The following KIF1A variants were observed in gnomAD, a reference collection of about 807,000 sequenced individuals.
KIF1A encodes the protein kinesin family member 1A.
A neutral mutation model predicts 227.3 loss-of-function variants in KIF1A; 46 were observed. The ratio of observed to expected loss-of-function variants is 0.20; its 90% confidence interval spans 0.16 to 0.26. The LOEUF (loss-of-function observed/expected upper bound fraction) is 0.26. Ranked by LOEUF, KIF1A falls within the 10% of genes least tolerant of loss-of-function variation. The pLI is 1.00. For missense variants in KIF1A, 1,683 were observed against 2,485.9 expected (o/e 0.68, Z 6.87); for synonymous variants, 1,022 against 1,012.8 (o/e 1.01, Z -0.17).
chr2:240,803,110 C>G (rs1283819712), intron 1 of KIF1A, among the ~76,000 whole-genome samples: 1 of 152,156 alleles, frequency 6.6e-6, no homozygotes, highest in Non-Finnish European at 1.5e-5. Context: ...CAAAACAACC[C>G]AATTGCTTGG....
intron 7 of KIF1A, among the ~76,000 whole-genome samples, chr2:240,784,609 A>G (rs2054476480): frequency 6.6e-6 from 1 of 152,192 alleles, no homozygotes; most frequent in Middle Eastern, 3.4e-3. Flanking sequence ...CGAGCCCCCA[A>G]CCAGGTGGTG....
intron 5 of KIF1A, among the ~76,000 whole-genome samples, 159 bp from the exon 6 acceptor site, chr2:240,786,672 C>G (rs1308964469): frequency 2.5e-4 from 35 of 138,398 alleles, no homozygotes; most frequent in African/African-American, 4.5e-4. Context: ...GTGGGGGCCA[C>G]CACCAGGACC....
Position 240,793,102 on chromosome 2 carries a change from T to C in KIF1A, c.107-3790A>G, listed in dbSNP as rs939176403. Reference sequence around the variant, plus strand: ...ACAGCAGCCCCAGGGACCACACGGGTGCTACTGCTGCCCGTGCAGAGGGGC... The same window carrying C: ...ACAGCAGCCCCAGGGACCACACGGGCGCTACTGCTGCCCGTGCAGAGGGGC... On this transcript the variant is annotated intron_variant, in intron 2 of 48. Transcript: ENST00000498729. The surrounding 1 kb of genome is among the most constrained non-coding windows in gnomAD (Gnocchi z 4.8). Among the ~76,000 whole-genome samples the C allele has an allele frequency of 4.6e-5, 7 of 152,094 alleles. No homozygotes were observed. The South Asian group carries it at 1.5e-3, about 32-fold the overall frequency.
intron 6 of KIF1A, 43 bp from the exon 7 acceptor site, chr2:240,785,143 GC>G (rs2054564269): frequency 6.5e-7 from 1 of 1,526,908 alleles, no homozygotes; most frequent in African/African-American, 1.4e-5. Flanking sequence ...TCGTCCTGTG[GC>G]CGGGTGCGAG....
At chr2:240,721,450 G>T (rs760586603) in intron 44 of KIF1A, among the ~76,000 whole-genome samples, 1 of 152,202 alleles carries the variant, frequency 6.6e-6, no homozygotes, top group African/African-American at 2.4e-5. Context: ...GGGTGGGGTC[G>T]GTCCCAGGAG....
intron 38 of KIF1A, among the ~76,000 whole-genome samples, chr2:240,734,222 C>G (rs947280999): frequency 1.3e-5 from 2 of 152,258 alleles, no homozygotes; most frequent in Non-Finnish European, 2.9e-5. Flanking sequence ...GGGCTGGATC[C>G]TGTCTGCCCT....
rs1451761818 is a variant in KIF1A at position 240,736,664 on chromosome 2, G to A, written c.4007+399C>T. Among the ~76,000 whole-genome samples, 1 of 152,220 alleles carries A rather than the reference G, an allele frequency of 6.6e-6. No homozygotes were observed. The highest frequency in any genetic ancestry group is 1.5e-5 in the Non-Finnish European group (1 of 68,038). On this transcript the variant is annotated intron_variant, in intron 38 of 48. Coordinates refer to ENST00000498729, the MANE Select transcript of KIF1A (RefSeq NM_001244008.2). The surrounding 1 kb of genome is among the most constrained non-coding windows in gnomAD (Gnocchi z 4.7). ...GTGCCTATGGGCGCCCACCCCAGCT[G>A]CTCCACCTCTAGCCCCAGGATGCCT...
rs767127242 is a variant in KIF1A, at chr2:240,789,355, C to T, written c.107-43G>A. The T allele has an allele frequency of 6.6e-7, 1 of 1,511,028 alleles. No homozygotes were observed. Among genetic ancestry groups the T allele is most frequent in the Non-Finnish European group, 9.2e-7 (1 of 1,087,364 alleles). The allele number at this position is 1,511,028 out of a possible 1,614,324, so 93.6% of individuals were successfully genotyped here. ...GGTGGTTAGCGCTGTGCTGGGAGGG[C>T]CCCTGACTAGCTGGCATCTACACTC... On this transcript the variant is annotated intron_variant, in intron 2 of 48. Coordinates refer to ENST00000498729, the MANE Select transcript of KIF1A (RefSeq NM_001244008.2). This position sits in a 1 kb window ranked among gnomAD's most constrained non-coding sequence, Gnocchi z 4.8.
rs749379894 is a variant in KIF1A, at chr2:240,786,317, G to A, written c.608+18C>T. On this transcript the variant is annotated intron_variant, in intron 6 of 48. Coordinates refer to ENST00000498729, the MANE Select transcript of KIF1A (RefSeq NM_001244008.2). ...CAGGACAGGAGGGCAGGGAGGTCCA[G>A]TGAGTCCCTCCACCCACCTGGCCTT... 4 of 1,608,172 alleles carry A rather than the reference G, an allele frequency of 2.5e-6. No individual in the cohort carries two copies. The highest frequency in any genetic ancestry group is 3.4e-6 in the Non-Finnish European group (4 of 1,175,246).
At position 240,803,531 on chromosome 2, in the gene KIF1A, G is replaced by A. The variant is rs554069375; in HGVS notation, c.-60-5719C>T. On this transcript the variant is annotated intron_variant, in intron 1 of 48. Coordinates refer to ENST00000498729, the MANE Select transcript of KIF1A (RefSeq NM_001244008.2). ...GTTTCATTCTTATGGGAGCGTTTAG[G>A]TCTTTTTTTGGTTTACCTTTACCTT... Among the ~76,000 whole-genome samples the A allele has an allele frequency of 3.9e-5, 6 of 152,332 alleles. No individual in the cohort carries two copies. In the South Asian group the frequency reaches 1.2e-3, roughly 32 times the overall value.
intron 32 of KIF1A, 97 bp from the exon 33 acceptor site, chr2:240,744,157 GAT>G: frequency 1.2e-6 from 1 of 847,750 alleles, no homozygotes; most frequent in Non-Finnish European, 2.0e-6. Context: ...TTCAGGCCCA[GAT>G]CTGGGACCCC....
chr2:240,763,468 C>T, intron 20 of KIF1A, 122 bp from the exon 21 acceptor site: 3 of 911,760 alleles, frequency 3.3e-6, no homozygotes, highest in Non-Finnish European at 4.9e-6. Flanking sequence ...CCCCAGCTCC[C>T]AGCCACTCCT....
chr2:240,719,973 T>C, intron 45 of KIF1A, 47 bp from the exon 46 acceptor site: 2 of 1,531,274 alleles, frequency 1.3e-6, no homozygotes, highest in Non-Finnish European at 8.8e-7. Flanking sequence ...TCCCTGGGCC[T>C]GGGGCCGTCT....
rs748997454 is a variant in KIF1A at position 240,725,363 on chromosome 2, G to A, written c.4164C>T (p.Phe1388=). The A allele has an allele frequency of 6.2e-7, 1 of 1,612,354 alleles. No homozygotes were observed. Among genetic ancestry groups the A allele is most frequent in the South Asian group, 1.1e-5 (1 of 90,976 alleles). ...CTQPAVVTKD[F]CMVFYSRDAK... ...CATCACGGGAATAGAAGACCATGCAGAAGTCCTTGGTGACAACAGCCGGCT... is the reference window on the plus strand; with the variant it reads ...CATCACGGGAATAGAAGACCATGCAAAAGTCCTTGGTGACAACAGCCGGCT... The change falls in exon 40 of 49, where the codon TTC becomes TTT. Residue 1388 remains phenylalanine, a synonymous_variant. Coordinates refer to ENST00000498729, the MANE Select transcript of KIF1A (RefSeq NM_001244008.2). The surrounding 1 kb of genome is among the most constrained non-coding windows in gnomAD (Gnocchi z 5.8).
rs1010310715 is a variant in KIF1A at position 240,758,298 on chromosome 2, C to T, written c.2582+62G>A. On this transcript the variant is annotated intron_variant, in intron 26 of 48. Transcript: ENST00000498729. The surrounding 1 kb of genome is among the most constrained non-coding windows in gnomAD (Gnocchi z 5.2). ...TGTATCAGGCCAGGGCCCACTCCTACCCCCACTGCCATCTCTCTCTCTCAA... is the reference window on the plus strand; with the variant it reads ...TGTATCAGGCCAGGGCCCACTCCTATCCCCACTGCCATCTCTCTCTCTCAA... 1.9e-5 allele frequency: 29 copies of T among 1,558,014 alleles called. No individual in the cohort carries two copies. In the African/African-American group the frequency reaches 2.6e-4, roughly 14 times the overall value.
At chr2:240,771,850 G>T (rs1035393867) in intron 14 of KIF1A, among the ~76,000 whole-genome samples, 1 of 152,196 alleles carries the variant, frequency 6.6e-6, no homozygotes, top group African/African-American at 2.4e-5. Context: ...CATCCCTAAG[G>T]CCCGGGAGGT....
rs186881889 is a variant in KIF1A, at chr2:240,750,448, C to G, written c.2958G>C (p.Val986=). The G allele has an allele frequency of 2.1e-3, 3,453 of 1,613,678 alleles. 3 individuals are homozygous for G. The highest frequency in any genetic ancestry group is 2.4e-3 in the Non-Finnish European group (2,862 of 1,179,660). ...ACGCACCTGAGATGGCCTGGACGGC[C>G]ACGCGGAGGAAGCCCTTCACCTCGC... ...EKGEVKGFLR[V]AVQAISADEE... is the part of the protein sequence containing the mutation. Residue 986 remains valine (V), a synonymous_variant, in exon 28 of 49, where the codon GTG becomes GTC. Transcript: ENST00000498729.
At position 240,726,829 on chromosome 2, in the gene KIF1A, G is replaced by A. The variant is rs764237250; in HGVS notation, c.4119C>T (p.Ile1373=). The A allele has an allele frequency of 2.2e-5, 35 of 1,600,850 alleles. No homozygotes were observed. The highest frequency in any genetic ancestry group is 4.5e-5 in the East Asian group (2 of 44,746). ...EKIYMTLSAY[I]EMENCTQPAV... is the part of the protein sequence containing the mutation. ...TGCCCTGGCATAGGTGCCTTGCCTC[G>A]ATATAAGCGGAGAGTGTCATGTAGA... The change falls in exon 39 of 49, where the codon ATC becomes ATT. Residue 1373 remains isoleucine (I), a synonymous_variant. Transcript: ENST00000498729. The surrounding 1 kb of genome is among the most constrained non-coding windows in gnomAD (Gnocchi z 5.2).
In KIF1A at chr2:240,726,238, C is replaced by T. The variant is rs4676375; in HGVS notation, c.4122+588G>A. ...GCTGCCCGGAATGCAGACACAATGT[C>T]TGGTGGTGCTGCAGCCATCTTGCAT... On this transcript the variant is annotated intron_variant, in intron 39 of 48. Transcript: ENST00000498729. This position sits in a 1 kb window ranked among gnomAD's most constrained non-coding sequence, Gnocchi z 5.2. 0.024 allele frequency among the ~76,000 whole-genome samples: 3,664 copies of T among 152,302 alleles called. 379 individuals carry two copies. In the East Asian group the frequency reaches 0.31, roughly 13 times the overall value.
Sources: gnomAD v4.1 joint callset for allele counts (sites outside exome capture counted in the v4.1 genomes callset) on GRCh38, gnomAD v4.1.1 for gene constraint, Gnocchi (gnomAD v3.1) non-coding constraint, MANE v1.5 for transcripts, NCBI Gene and HGNC (gene_info 2026-07-23, HGNC 2026-07-21) for gene names.